Variants in BCKDHB observed in about 807,000 individuals in gnomAD.
BCKDHB encodes 2-oxoisovalerate dehydrogenase subunit beta, mitochondrial.
BCKDHB carries 41 observed loss-of-function variants against 48.5 expected under a neutral mutation model. That is an observed-to-expected ratio of 0.85 (90% CI 0.66 to 1.10). The LOEUF (loss-of-function observed/expected upper bound fraction) is 1.10, where lower values mean the gene tolerates loss of function less well. Ranked by LOEUF, BCKDHB falls within the 50% of genes least tolerant of loss-of-function variation. The probability of loss-of-function intolerance (pLI) is 0.00; values close to 1 mark genes in which losing one functional copy is unlikely to be tolerated. For missense variants in BCKDHB, 496 were observed against 494.2 expected, an observed-to-expected ratio of 1.00 and a Z score of -0.03; for synonymous variants, 201 against 174.8, an observed-to-expected ratio of 1.15 and a Z score of -1.18.
intron 8 of BCKDHB, among the ~76,000 whole-genome samples, chr6:80,211,865 C>T (rs776975081): frequency 4.6e-5 from 7 of 152,150 alleles, no homozygotes; most frequent in African/African-American, 9.7e-5. Context: ...TGATGCCCAC[C>T]TGAGCCTCAA....
At chr6:80,443,967 A>C in the BCKDHB span, among the ~76,000 whole-genome samples, 1 of 152,008 alleles carries the variant, frequency 6.6e-6, no homozygotes, top group Non-Finnish European at 1.5e-5. Context: ...CAAGTTTAAA[A>C]TTTAAAACTT....
At chr6:80,327,730 C>T (rs183472982) in intron 9 of BCKDHB, among the ~76,000 whole-genome samples, 1 of 152,242 alleles carries the variant, frequency 6.6e-6, no homozygotes, top group Non-Finnish European at 1.5e-5. Flanking sequence ...TAATATTATA[C>T]CAATATGGCC....
chr6:80,345,298 A>G lies in BCKDHB; in HGVS notation c.*1494A>G, dbSNP rs1240608218. Reference sequence around the variant, plus strand: ...TCTAGTTTTTCCAAAAATGATAGTAATATCTTTTGAAGAACTATGCTTTTT... The same window carrying G: ...TCTAGTTTTTCCAAAAATGATAGTAGTATCTTTTGAAGAACTATGCTTTTT... On this transcript the variant is annotated 3_prime_UTR_variant, in exon 10 of 10. Transcript: ENST00000320393. 2 of 152,190 alleles carry G rather than the reference A, an allele frequency of 1.3e-5. No homozygotes were observed. Among genetic ancestry groups the G allele is most frequent in the East Asian group, 1.9e-4 (1 of 5,196 alleles). 9.4% of individuals were successfully genotyped at this position (152,190 alleles called of 1,614,324 possible).
At chr6:80,138,808 G>T (rs1449860742) in intron 3 of BCKDHB, among the ~76,000 whole-genome samples, 1 of 152,184 alleles carries the variant, frequency 6.6e-6, no homozygotes, top group African/African-American at 2.4e-5. Flanking sequence ...AATCCTTTGG[G>T]TATATACCCA....
chr6:80,107,800 T>C (rs1470039036), intron 1 of BCKDHB, among the ~76,000 whole-genome samples: 1 of 152,084 alleles, frequency 6.6e-6, no homozygotes, highest in Admixed American at 6.5e-5. Context: ...CTCCTCATAG[T>C]ATGACTGTTG....
chr6:80,200,352 G>C (rs1236950485), intron 6 of BCKDHB, among the ~76,000 whole-genome samples: 1 of 152,182 alleles, frequency 6.6e-6, no homozygotes, highest in African/African-American at 2.4e-5. Flanking sequence ...GATTGATGAA[G>C]TGTTCATAGA....
intron 8 of BCKDHB, among the ~76,000 whole-genome samples, chr6:80,255,089 G>T (rs911668118): frequency 1.3e-5 from 2 of 152,176 alleles, no homozygotes; most frequent in African/African-American, 4.8e-5. Flanking sequence ...GTCACCACAT[G>T]TTATATCTGC....
the BCKDHB span, among the ~76,000 whole-genome samples, chr6:80,394,828 G>A: frequency 6.6e-6 from 1 of 152,108 alleles, no homozygotes; most frequent in Non-Finnish European, 1.5e-5. Context: ...ATCCCCATGT[G>A]TCATGAGAGG....
At chr6:80,289,011 A>C (rs1051975224) in intron 9 of BCKDHB, among the ~76,000 whole-genome samples, 3 of 152,198 alleles carry the variant, frequency 2.0e-5, no homozygotes, top group African/African-American at 7.2e-5. Context: ...TAGATGTCAC[A>C]TTTTAAAATT....
intron 8 of BCKDHB, 124 bp from the exon 9 acceptor site, chr6:80,273,011 A>G: frequency 1.3e-6 from 1 of 773,216 alleles, no homozygotes; most frequent in Non-Finnish European, 2.2e-6. Context: ...CATACAATTG[A>G]ATTACTGATT....
chr6:80,264,195 A>G (rs1777418861), intron 8 of BCKDHB, among the ~76,000 whole-genome samples: 1 of 152,182 alleles, frequency 6.6e-6, no homozygotes, highest in South Asian at 2.1e-4. Flanking sequence ...CATTGTGGCA[A>G]CATATATAGT....
intron 8 of BCKDHB, among the ~76,000 whole-genome samples, chr6:80,237,880 T>C (rs992780971): frequency 2.7e-4 from 41 of 152,068 alleles, no homozygotes; most frequent in Non-Finnish European, 3.7e-4. Context: ...AGCAGACTGC[T>C]ATAAAAAAAA....
At chr6:80,398,603 A>G in the BCKDHB span, among the ~76,000 whole-genome samples, 15,670 of 151,962 alleles carry the variant, frequency 0.1, 2,351 homozygotes, top group African/African-American at 0.33. Context: ...TAAATAGCCT[A>G]CAAACAAAAG....
the BCKDHB span, among the ~76,000 whole-genome samples, chr6:80,464,063 C>A: frequency 4.6e-5 from 7 of 152,074 alleles, no homozygotes; most frequent in African/African-American, 1.4e-4. Flanking sequence ...TCTACCCGAC[C>A]GAGTCTGCCT....
the BCKDHB span, among the ~76,000 whole-genome samples, chr6:80,411,980 C>T: frequency 6.6e-6 from 1 of 152,156 alleles, no homozygotes; most frequent in African/African-American, 2.4e-5. Context: ...TCCAGCCAGT[C>T]CCAGTGAGAT....
intron 9 of BCKDHB, among the ~76,000 whole-genome samples, chr6:80,294,479 A>G (rs530230681): frequency 4.4e-4 from 67 of 152,308 alleles, no homozygotes; most frequent in African/African-American, 1.5e-3. Context: ...GTTGGACAAA[A>G]AGAGCCATAT....
intron 9 of BCKDHB, among the ~76,000 whole-genome samples, chr6:80,320,032 A>G (rs1768638751): frequency 6.6e-6 from 1 of 152,178 alleles, no homozygotes; most frequent in Admixed American, 6.5e-5. Context: ...AAATAAGCAA[A>G]AGGAAATCTG....
intron 8 of BCKDHB, among the ~76,000 whole-genome samples, chr6:80,248,479 C>A (rs1776703551): frequency 6.6e-6 from 1 of 152,140 alleles, no homozygotes; most frequent in Non-Finnish European, 1.5e-5. Flanking sequence ...CAGTGTTCAA[C>A]ATTTGAATCA....
intron 3 of BCKDHB, 52 bp downstream of exon 3, chr6:80,129,281 T>A: frequency 6.8e-7 from 1 of 1,470,364 alleles, no homozygotes; most frequent in Admixed American, 1.7e-5. Flanking sequence ...TACTAAAAGA[T>A]CTTAAAAATA....
Sources: gnomAD v4.1 joint callset for allele counts (sites outside exome capture counted in the v4.1 genomes callset) on GRCh38, gnomAD v4.1.1 for gene constraint, MANE v1.5 for transcripts, NCBI Gene and HGNC (gene_info 2026-07-23, HGNC 2026-07-21) for gene names.